The following PIEZO1 variants were observed in gnomAD, a reference collection of about 807,000 sequenced individuals.
The protein encoded by PIEZO1 is piezo-type mechanosensitive ion channel component 1.
Under a neutral mutation model 297.2 loss-of-function variants are expected in PIEZO1, and 296 were observed. The observed-to-expected ratio is 1.00, with a 90% CI of 0.91 to 1.10. PIEZO1 has a LOEUF of 1.10. Among genes scored for constraint, PIEZO1 ranks in the 50% least tolerant of loss-of-function variants. The pLI, the probability that PIEZO1 is intolerant of heterozygous loss-of-function variation, is 0.00. For missense variants in PIEZO1, 5,018 were observed against 3,455.5 expected (o/e 1.45, Z -11.34); for synonymous variants, 2,427 against 1,507.5 (o/e 1.61, Z -14.13).
intron 1 of PIEZO1, among the ~76,000 whole-genome samples, chr16:88,776,752 T>C (rs964426908): frequency 6.6e-6 from 1 of 152,172 alleles, no homozygotes; most frequent in Non-Finnish European, 1.5e-5. Context: ...GGCTGGACCC[T>C]GGCTCGGGGC....
chr16:88,733,071 C>T, intron 19 of PIEZO1: 2 of 598,564 alleles, frequency 3.3e-6, no homozygotes, highest in East Asian at 2.8e-5. Context: ...CCCTACTGGA[C>T]ACCCTTGTGT....
chr16:88,778,276 C>T (rs566560697), intron 1 of PIEZO1, among the ~76,000 whole-genome samples: 2 of 152,256 alleles, frequency 1.3e-5, no homozygotes, highest in Non-Finnish European at 1.5e-5. Flanking sequence ...CCATTTTAGC[C>T]GCCCATCCAC....
chr16:88,723,766 C>A lies in PIEZO1; in HGVS notation c.4335+105G>T. The A allele has an allele frequency of 1.7e-5, 11 of 659,232 alleles. No homozygotes were observed. In the South Asian group the frequency reaches 1.8e-4, roughly 11 times the overall value. 40.8% of individuals were successfully genotyped at this position (659,232 alleles called of 1,614,324 possible). A position where few individuals can be genotyped will look rare whatever the true frequency, so the allele number is the denominator to read the frequency against. On this transcript the variant is annotated intron_variant, in intron 31 of 50. Coordinates refer to ENST00000301015, the MANE Select transcript of PIEZO1 (RefSeq NM_001142864.4). ...GGTGGGCTAACTGGAGGTGGAGGAG[C>A]TCGGCTCCCAGGCCCTGGGGGCATC...
At chr16:88,784,465 A>C (rs975591014) in intron 1 of PIEZO1, among the ~76,000 whole-genome samples, 1 of 150,508 alleles carries the variant, frequency 6.6e-6, no homozygotes, top group Admixed American at 6.6e-5. Context: ...CCAGATTGTC[A>C]GGAAGTCCTG....
At chr16:88,768,422 G>GCTAAAACCTATGC (rs924039177) in intron 1 of PIEZO1, among the ~76,000 whole-genome samples, 2 of 152,228 alleles carry the variant, frequency 1.3e-5, no homozygotes, top group East Asian at 3.9e-4. Context: ...GACGGCCCTG[G>GCTAAAACCTATGC]CTAAAACCTA....
chr16:88,731,956 G>GAGGGGGGGGTGT (rs747246644), intron 21 of PIEZO1, 46 bp from the exon 22 acceptor site: 1 of 287,264 alleles, frequency 3.5e-6, no homozygotes, highest in African/African-American at 2.2e-5. Context: ...TGAGTCTGGG[G>GAGGGGGGGGTGT]GGAGGGACTT....
Position 88,715,592 on chromosome 16 carries a change from C to G in PIEZO1, c.*13G>C. The G allele has an allele frequency of 6.5e-7, 1 of 1,547,268 alleles. No homozygotes were observed. Among genetic ancestry groups the G allele is most frequent in the African/African-American group, 1.4e-5 (1 of 73,132 alleles). On this transcript the variant is annotated 3_prime_UTR_variant, in exon 51 of 51. Coordinates refer to ENST00000301015, the MANE Select transcript of PIEZO1 (RefSeq NM_001142864.4). ...AGGCCGGCTCCTTCCCTCTCGGGCGCCAGCAGCAGCTCCTACTCCTTCTCA... is the reference window on the plus strand; with the variant it reads ...AGGCCGGCTCCTTCCCTCTCGGGCGGCAGCAGCAGCTCCTACTCCTTCTCA...
At chr16:88,783,393 G>A (rs536782686) in intron 1 of PIEZO1, among the ~76,000 whole-genome samples, 1 of 152,348 alleles carries the variant, frequency 6.6e-6, no homozygotes, top group African/African-American at 2.4e-5. Flanking sequence ...GTCATTTAAA[G>A]AAAAACATTG....
intron 1 of PIEZO1, among the ~76,000 whole-genome samples, chr16:88,771,835 A>C (rs1222602880): frequency 8.3e-5 from 1 of 11,988 alleles, no homozygotes; most frequent in African/African-American, 4.0e-4. Context: ...CTGAGACTCT[A>C]TGCCCGTCCA....
At position 88,734,654 on chromosome 16, in the gene PIEZO1, C is replaced by T. The variant is rs999392443; in HGVS notation, c.1993G>A (p.Glu665Lys). 13 of 1,550,116 alleles carry T rather than the reference C, an allele frequency of 8.4e-6. No individual in the cohort carries two copies. The highest frequency in any genetic ancestry group is 3.9e-5 in the Admixed American group (2 of 50,992). Residue 665 changes from glutamate (E) to lysine (K), a missense_variant, in exon 15 of 51, where the codon GAG becomes AAG. Glu to Lys is a moderately conservative substitution (Grantham distance 56). Coordinates refer to ENST00000301015, the MANE Select transcript of PIEZO1 (RefSeq NM_001142864.4). Reference sequence around the variant, plus strand: ...ACCGCCCCAGCCTGGACTCACTGCTCGTCGGTGAAGCCAGTGAGGTTGCGC... The same window carrying T: ...ACCGCCCCAGCCTGGACTCACTGCTTGTCGGTGAAGCCAGTGAGGTTGCGC... ...YWRNLTGFTD[E>K]QLGDLGLEQF...
Position 88,722,913 on chromosome 16 carries a change from T to G in PIEZO1, c.4592A>C (p.Glu1531Ala). The G allele has an allele frequency of 6.5e-7, 1 of 1,549,316 alleles. No individual in the cohort carries two copies. Among genetic ancestry groups the G allele is most frequent in the Non-Finnish European group, 8.7e-7 (1 of 1,146,742 alleles). Residue 1531 changes from glutamate to alanine, a missense_variant, in exon 34 of 51, where the codon GAG becomes GCG. By Grantham distance (107) the Glu-to-Ala change is moderately radical (BLOSUM62 -1). Coordinates refer to ENST00000301015, the MANE Select transcript of PIEZO1 (RefSeq NM_001142864.4). ...LVDELTRWLQ[E>A]FTRHHGTMSD... ...CATGGTGCCGTGGTGCCGGGTGAACTCCTGCAGCCAGCGTGTCAGCTCATC... is the reference window on the plus strand; with the variant it reads ...CATGGTGCCGTGGTGCCGGGTGAACGCCTGCAGCCAGCGTGTCAGCTCATC...
chr16:88,752,929 C>G (rs1032696944), intron 1 of PIEZO1, among the ~76,000 whole-genome samples: 4 of 152,008 alleles, frequency 2.6e-5, no homozygotes, highest in African/African-American at 9.7e-5. Flanking sequence ...CAAGCAGGCC[C>G]CACCAGGCAG....
At chr16:88,745,215 A>C (rs1905969341) in intron 2 of PIEZO1, 1 of 152,144 alleles carries the variant, frequency 6.6e-6, no homozygotes, top group Admixed American at 6.5e-5. Flanking sequence ...CCCCGACTCC[A>C]ACTCCCTCCT....
At chr16:88,737,427 TG>T (rs1167491882) in intron 10 of PIEZO1, 131 bp downstream of exon 10, 5 of 632,542 alleles carry the variant, frequency 7.9e-6, no homozygotes, top group Admixed American at 3.0e-5. Context: ...GTGGATGTCC[TG>T]GGCCCCCGAG....
At position 88,723,977 on chromosome 16, in the gene PIEZO1, G is replaced by T; in HGVS notation, c.4235-6C>A. ...GTAGTCCCCGGAGTGGATGACTGTGGGCAGGCAGCACTGAGAGCCAGCCTT... is the reference window on the plus strand; with the variant it reads ...GTAGTCCCCGGAGTGGATGACTGTGTGCAGGCAGCACTGAGAGCCAGCCTT... On this transcript the variant is annotated splice_polypyrimidine_tract_variant and splice_region_variant and intron_variant, in intron 30 of 50. Coordinates refer to ENST00000301015, the MANE Select transcript of PIEZO1 (RefSeq NM_001142864.4). The T allele has an allele frequency of 5.3e-6, 8 of 1,517,296 alleles. No individual in the cohort carries two copies. Among genetic ancestry groups the T allele is most frequent in the Non-Finnish European group, 7.2e-6 (8 of 1,116,808 alleles). 94.0% of individuals were successfully genotyped at this position (1,517,296 alleles called of 1,614,324 possible). A position where few individuals can be genotyped will look rare whatever the true frequency, so the allele number is the denominator to read the frequency against.
Position 88,721,671 on chromosome 16 carries a change from TG to T in PIEZO1, c.5269del (p.His1757ThrfsTer164). 6.5e-7 allele frequency: 1 copy of T among 1,549,722 alleles called. No individual in the cohort carries two copies. Among genetic ancestry groups the T allele is most frequent in the Non-Finnish European group, 8.7e-7 (1 of 1,146,772 alleles). The part of the protein sequence containing the change: ...FQFGFFPWNS[H>X]VVLRRYENKP... ...GTTCTCGTAGCGCCGCAGCACCACG[TG>T]GCTGTTCCAGGGGAAGAACCCAAAC... is the stretch of plus-strand genomic sequence containing the variant. On this transcript the variant is annotated frameshift_variant, in exon 38 of 51. Coordinates refer to ENST00000301015, the MANE Select transcript of PIEZO1 (RefSeq NM_001142864.4). LOFTEE classifies it high-confidence loss of function.
chr16:88,737,568 G>A lies in PIEZO1; in HGVS notation c.1186C>T (p.Arg396Trp), dbSNP rs781663754. 48 of 1,532,480 alleles carry A rather than the reference G, an allele frequency of 3.1e-5. No homozygotes were observed. Among genetic ancestry groups the A allele is most frequent in the African/African-American group, 5.5e-5 (4 of 72,902 alleles). The allele number at this position is 1,532,480 out of a possible 1,614,324, so 94.9% of individuals were successfully genotyped here. The change falls in exon 10 of 51, where the codon CGG becomes TGG. Residue 396 changes from arginine to tryptophan, a missense_variant. Coordinates refer to ENST00000301015, the MANE Select transcript of PIEZO1 (RefSeq NM_001142864.4). ...HELTGQSSVL[R>W]RPVRPKRAEP... ...AGTGTGCGGTACTCACCAGGCCGCC[G>A]CAGGACGGAGCTCTGGCCGGTCAGC...
At chr16:88,738,146 C>A in intron 7 of PIEZO1, 41 bp from the exon 8 acceptor site, 9 of 1,535,402 alleles carry the variant, frequency 5.9e-6, no homozygotes, top group Non-Finnish European at 7.8e-6. Context: ...ACCCCAGAGG[C>A]AGTGGGGCCA....
rs1328776726 is a variant in PIEZO1 at position 88,732,622 on chromosome 16, G to T, written c.2775C>A (p.Asn925Lys). Residue 925 changes from asparagine to lysine, a missense_variant, in exon 20 of 51, where the codon AAC (asparagine) becomes AAA (lysine). Physicochemically the swap from Asn to Lys is moderately conservative, Grantham distance 94 (BLOSUM62 0). Coordinates refer to ENST00000301015, the MANE Select transcript of PIEZO1 (RefSeq NM_001142864.4). Reference protein sequence around the residue: ...NWFGVRKGFPNLGYIQNHLQV... With the variant: ...NWFGVRKGFPKLGYIQNHLQV... ...TTCAACTCACCTGGATGTAGCCCAG[G>T]TTGGGGAACCCTTTCCGCACCCCAA... 6.5e-7 allele frequency: 1 copy of T among 1,549,366 alleles called. No individual in the cohort carries two copies. The highest frequency in any genetic ancestry group is 2.4e-5 in the East Asian group (1 of 40,908).
Sources: allele counts gnomAD v4.1 joint callset (sites outside exome capture counted in the v4.1 genomes callset), GRCh38; gene constraint gnomAD v4.1.1; transcripts MANE v1.5; gene names NCBI Gene and HGNC (gene_info 2026-07-23, HGNC 2026-07-21).